Variants in FAM20C observed in about 807,000 individuals in gnomAD.
FAM20C encodes extracellular serine/threonine protein kinase FAM20C.
FAM20C carries 40 observed loss-of-function variants against 51.5 expected under a neutral mutation model. That is an observed-to-expected ratio of 0.78 (90% CI 0.60 to 1.01). FAM20C has a LOEUF of 1.01. FAM20C is among the 50% of genes least tolerant of loss of function. The probability of loss-of-function intolerance (pLI) is 0.00; values close to 1 mark genes in which losing one functional copy is unlikely to be tolerated. For missense variants in FAM20C, 861 were observed against 844.7 expected, an observed-to-expected ratio of 1.02 and a Z score of -0.24; for synonymous variants, 406 against 380.6, an observed-to-expected ratio of 1.07 and a Z score of -0.78.
In FAM20C at chr7:256,729, C is replaced by T. The variant is rs920643572; in HGVS notation, c.1329C>T (p.Asp443=). ...PPYDSSHRIL[D]VMDMTIFDFL... is the part of the protein sequence containing the mutation. ...ACGACAGCAGCCACCGCATCCTGGA[C>T]GTCATGGACATGACGATCTTCGACT... Residue 443 remains aspartate, a synonymous_variant, in exon 7 of 10, where the codon GAC becomes GAT. Transcript: ENST00000313766. The T allele has an allele frequency of 2.1e-5, 32 of 1,536,126 alleles. No individual in the cohort carries two copies. Among genetic ancestry groups the T allele is most frequent in the East Asian group, 2.4e-5 (1 of 40,908 alleles).
intron 3 of FAM20C, among the ~76,000 whole-genome samples, chr7:241,943 G>A (rs1562389887): frequency 3.3e-5 from 5 of 152,150 alleles, no homozygotes; most frequent in Non-Finnish European, 5.9e-5. Flanking sequence ...GTGTGTGTGC[G>A]TGCGTATGCA....
rs534088007 is a variant in FAM20C at position 220,143 on chromosome 7, C to T, written c.863+11167C>T. Among the ~76,000 whole-genome samples the T allele has an allele frequency of 2.6e-5, 4 of 152,300 alleles. 1 individual carries two copies. In the South Asian group the frequency reaches 6.2e-4, roughly 24 times the overall value. On this transcript the variant is annotated intron_variant, in intron 3 of 9. Coordinates refer to ENST00000313766, the MANE Select transcript of FAM20C (RefSeq NM_020223.4). Reference sequence around the variant, plus strand: ...GTTGATCCACCTCATTGGAAGCTGCCGGGACCCCCACATGCTGCCCTCGCT... The same window carrying T: ...GTTGATCCACCTCATTGGAAGCTGCTGGGACCCCCACATGCTGCCCTCGCT...
intron 3 of FAM20C, among the ~76,000 whole-genome samples, chr7:227,085 G>A (rs556859370): frequency 6.0e-4 from 91 of 152,086 alleles, no homozygotes; most frequent in Non-Finnish European, 1.1e-3. Context: ...GGGTCTCCTG[G>A]AAAAGATTAC....
In FAM20C at chr7:243,083, CA is replaced by C. The variant is rs1413022975; in HGVS notation, c.864-3330del. 7.8e-3 allele frequency among the ~76,000 whole-genome samples: 1,058 copies of C among 136,270 alleles called. 304 individuals carry two copies. Among genetic ancestry groups the C allele is most frequent in the African/African-American group, 0.022 (784 of 34,900 alleles). The allele number at this position is 136,270 out of a possible 152,430, so 89.4% of individuals were successfully genotyped here. A position where few individuals can be genotyped will look rare whatever the true frequency, so the allele number is the denominator to read the frequency against. ...TGCCACCCGGGAGACCTGTGCCACCCAAGAGACCTGTGCCACCCGGGAGACC... is the reference window on the plus strand; with the variant it reads ...TGCCACCCGGGAGACCTGTGCCACCCAGAGACCTGTGCCACCCGGGAGACC... On this transcript the variant is annotated intron_variant, in intron 3 of 9. Coordinates refer to ENST00000313766, the MANE Select transcript of FAM20C (RefSeq NM_020223.4).
intron 8 of FAM20C, among the ~76,000 whole-genome samples, chr7:257,853 T>C (rs370567628): frequency 0.25 from 10,543 of 41,620 alleles, 1,733 homozygotes; most frequent in Non-Finnish European, 0.3. Flanking sequence ...ACCCACTGCC[T>C]GGGGTGCTGG....
chr7:193,173 TCCAGGC>T lies in FAM20C; in HGVS notation c.-24_-19del. On this transcript the variant is annotated 5_prime_UTR_variant, in exon 1 of 10. Coordinates refer to ENST00000313766, the MANE Select transcript of FAM20C (RefSeq NM_020223.4). ...AGAGGGGCGCGCGGGCAGAACGCGC[TCCAGGC>T]CCGGGCCGGCCCGCGCGGCCATGAA... is the stretch of plus-strand genomic sequence containing the variant. 1 of 1,438,194 alleles carries T rather than the reference TCCAGGC, an allele frequency of 7.0e-7. No individual in the cohort carries two copies. Among genetic ancestry groups the T allele is most frequent in the Non-Finnish European group, 9.2e-7 (1 of 1,089,334 alleles). The allele number at this position is 1,438,194 out of a possible 1,614,324, so 89.1% of individuals were successfully genotyped here. A position where few individuals can be genotyped will look rare whatever the true frequency, so the allele number is the denominator to read the frequency against.
chr7:248,160 C>T (rs1285606684), intron 4 of FAM20C, among the ~76,000 whole-genome samples, 155 bp from the exon 5 acceptor site: 1 of 152,168 alleles, frequency 6.6e-6, no homozygotes, highest in Non-Finnish European at 1.5e-5. Flanking sequence ...GCCACCGGAC[C>T]TAGGGCTGGG....
At chr7:201,904 C>T (rs1786144154) in intron 2 of FAM20C, among the ~76,000 whole-genome samples, 1 of 152,232 alleles carries the variant, frequency 6.6e-6, no homozygotes, top group Non-Finnish European at 1.5e-5. Flanking sequence ...TCTGTTCGTG[C>T]ATGTTAACTT....
At chr7:202,992 G>C (rs1244805554) in intron 2 of FAM20C, among the ~76,000 whole-genome samples, 1 of 152,232 alleles carries the variant, frequency 6.6e-6, no homozygotes. Context: ...TTGGTTTCAT[G>C]ATGGCCTGGA....
In FAM20C at chr7:208,986, G is replaced by A. The variant is rs371369152; in HGVS notation, c.863+10G>A. 573 of 1,573,182 alleles carry A rather than the reference G, an allele frequency of 3.6e-4. 7 individuals are homozygous for A. In the Middle Eastern group the frequency reaches 0.016, roughly 45 times the overall value. ...TGTTCAAACCCATGAAGTAAGTGCC[G>A]AGGCCTGTGGGCTGGGGCGTGAGGA... is the stretch of plus-strand genomic sequence containing the variant. On this transcript the variant is annotated intron_variant, in intron 3 of 9. Coordinates refer to ENST00000313766, the MANE Select transcript of FAM20C (RefSeq NM_020223.4).
intron 5 of FAM20C, among the ~76,000 whole-genome samples, chr7:251,230 G>A (rs1238915164): frequency 7.6e-6 from 1 of 130,790 alleles, no homozygotes; most frequent in Admixed American, 7.0e-5. Context: ...CGGGCACGGC[G>A]GCTCACGCCT....
Position 193,295 on chromosome 7 carries a change from G to A in FAM20C, c.96G>A (p.Arg32=). ...ALHIALDLLP[R]LERRGARPSG... ...ACATCGCCCTGGACCTGCTGCCCAG[G>A]CTGGAGCGACGCGGCGCGCGGCCCT... is the stretch of plus-strand genomic sequence containing the variant. Residue 32 remains arginine (R), a synonymous_variant, in exon 1 of 10, where the codon AGG becomes AGA. Transcript: ENST00000313766. The A allele has an allele frequency of 7.1e-7, 1 of 1,415,812 alleles. No individual in the cohort carries two copies. The highest frequency in any genetic ancestry group is 2.4e-5 in the Admixed American group (1 of 41,172). 87.7% of individuals were successfully genotyped at this position (1,415,812 alleles called of 1,614,324 possible). A position where few individuals can be genotyped will look rare whatever the true frequency, so the allele number is the denominator to read the frequency against.
At chr7:246,381 A>G in intron 3 of FAM20C, 34 bp from the exon 4 acceptor site, 1 of 1,522,656 alleles carries the variant, frequency 6.6e-7, no homozygotes, top group Middle Eastern at 1.7e-4. Context: ...TTTCTCAGTG[A>G]CAAACCGTTT....
At chr7:219,219 G>A (rs941352057) in intron 3 of FAM20C, among the ~76,000 whole-genome samples, 4 of 152,164 alleles carry the variant, frequency 2.6e-5, no homozygotes, top group African/African-American at 7.2e-5. Flanking sequence ...TGTTGTCCAG[G>A]GCTGGGCAGG....
At chr7:207,457 G>A (rs540099928) in intron 2 of FAM20C, among the ~76,000 whole-genome samples, 1 of 152,224 alleles carries the variant, frequency 6.6e-6, no homozygotes, top group Non-Finnish European at 1.5e-5. Flanking sequence ...GCCGTCCTCT[G>A]TGGGGCCGGG....
chr7:256,782 C>G lies in FAM20C; in HGVS notation c.1363+19C>G. ...CTCATGGGTACGTCCCGCAGGGGCACGGGGTCCCCGTGTCACTCGCCTTGC... is the reference window on the plus strand; with the variant it reads ...CTCATGGGTACGTCCCGCAGGGGCAGGGGGTCCCCGTGTCACTCGCCTTGC... On this transcript the variant is annotated intron_variant, in intron 7 of 9. Transcript: ENST00000313766. 6.5e-7 allele frequency: 1 copy of G among 1,532,316 alleles called. No individual in the cohort carries two copies. The highest frequency in any genetic ancestry group is 8.7e-7 in the Non-Finnish European group (1 of 1,143,544). The allele number at this position is 1,532,316 out of a possible 1,614,324, so 94.9% of individuals were successfully genotyped here. A position where few individuals can be genotyped will look rare whatever the true frequency, so the allele number is the denominator to read the frequency against.
Position 241,132 on chromosome 7 carries a change from C to T in FAM20C, c.864-5283C>T, listed in dbSNP as rs986033376. On this transcript the variant is annotated intron_variant, in intron 3 of 9. Coordinates refer to ENST00000313766, the MANE Select transcript of FAM20C (RefSeq NM_020223.4). ...TGTTGGAAGCTGCTTTCTTCCTTGC[C>T]CCTGGGGCTGCTCCCTCCCTGCTTC... is the stretch of plus-strand genomic sequence containing the variant. Among the ~76,000 whole-genome samples the T allele has an allele frequency of 3.0e-4, 45 of 152,282 alleles. 1 individual carries two copies. Among genetic ancestry groups the T allele is most frequent in the African/African-American group, 1.0e-3 (43 of 41,562 alleles).
chr7:242,173 C>A (rs1406154921), intron 3 of FAM20C, among the ~76,000 whole-genome samples: 1 of 152,042 alleles, frequency 6.6e-6, no homozygotes, highest in Non-Finnish European at 1.5e-5. Flanking sequence ...CTGCAGTGTA[C>A]CAGGCCCTGT....
At chr7:254,849 C>T (rs977791715) in intron 5 of FAM20C, among the ~76,000 whole-genome samples, 3 of 152,202 alleles carry the variant, frequency 2.0e-5, no homozygotes, top group African/African-American at 4.8e-5. Flanking sequence ...GAGGGTCATA[C>T]GACGTGTGGC....
Sources: allele counts gnomAD v4.1 joint callset (sites outside exome capture counted in the v4.1 genomes callset), GRCh38; gene constraint gnomAD v4.1.1; transcripts MANE v1.5; gene names NCBI Gene and HGNC (gene_info 2026-07-23, HGNC 2026-07-21).